JAK2: variants seen among roughly 807,000 people sequenced by gnomAD.
JAK2 encodes the protein Janus kinase 2.
A neutral mutation model predicts 139.3 loss-of-function variants in JAK2; 86 were observed. The ratio of observed to expected loss-of-function variants is 0.62; its 90% confidence interval spans 0.52 to 0.74. The LOEUF is 0.74. JAK2 is among the 30% of genes least tolerant of loss of function. JAK2 has a pLI of 0.00. For missense variants in JAK2, 1,421 were observed against 1,360.3 expected (o/e 1.04, Z -0.70); for synonymous variants, 490 against 437.7 (o/e 1.12, Z -1.49).
At chr9:5,112,521 G>A (rs1328502457) in intron 22 of JAK2, 16 of 582,590 alleles carry the variant, frequency 2.7e-5, no homozygotes, top group Admixed American at 2.7e-4. Context: ...TCCCCCCAGA[G>A]CAGAAGGCCG....
At chr9:5,111,818 T>G in intron 22 of JAK2, 1 of 418,092 alleles carries the variant, frequency 2.4e-6, no homozygotes, top group Non-Finnish European at 4.7e-6. Flanking sequence ...GTAGGCGGCG[T>G]CTCCAGCCAC....
At chr9:5,086,026 GA>G in intron 19 of JAK2, 1 of 788,832 alleles carries the variant, frequency 1.3e-6, no homozygotes, top group Admixed American at 1.7e-5. Flanking sequence ...TATACATTTG[GA>G]CAGGCAGGTG....
chr9:5,086,392 T>A (rs1011971247), intron 19 of JAK2, among the ~76,000 whole-genome samples: 1 of 152,240 alleles, frequency 6.6e-6, no homozygotes, highest in African/African-American at 2.4e-5. Flanking sequence ...GGTGCAGATA[T>A]GGGATTCAGA....
At chr9:5,004,675 T>G (rs1331038857) in intron 2 of JAK2, among the ~76,000 whole-genome samples, 1 of 152,154 alleles carries the variant, frequency 6.6e-6, no homozygotes, top group East Asian at 1.9e-4. Context: ...ATATGGTAGT[T>G]CCATTTTAAT....
chr9:5,010,494 T>C (rs1234740666), intron 2 of JAK2, among the ~76,000 whole-genome samples: 1 of 152,268 alleles, frequency 6.6e-6, no homozygotes, highest in African/African-American at 2.4e-5. Context: ...CTAATTTTTA[T>C]ATTTTTAGTA....
chr9:5,040,961 C>A, intron 4 of JAK2: 1 of 541,616 alleles, frequency 1.8e-6, no homozygotes, highest in Non-Finnish European at 3.5e-6. Context: ...AATCTCTATA[C>A]AAACAAATAT....
At chr9:5,023,876 A>G (rs1822598871) in intron 3 of JAK2, among the ~76,000 whole-genome samples, 1 of 149,946 alleles carries the variant, frequency 6.7e-6, no homozygotes, top group South Asian at 2.1e-4. Flanking sequence ...AGCTTATAGT[A>G]AGATTTTAGC....
rs1824156159 is a variant in JAK2 at position 5,128,640 on chromosome 9, TAAAG to T, written c.*1852_*1855del. On this transcript the variant is annotated 3_prime_UTR_variant, in exon 25 of 25. Transcript: ENST00000381652. ...AAATGCTTCATCTTTTAGTTTTATA[TAAAG>T]AATCCCACATGTACATTCTTGTTTT... 1.3e-5 allele frequency among the ~76,000 whole-genome samples: 2 copies of T among 151,978 alleles called. No individual in the cohort carries two copies. The highest frequency in any genetic ancestry group is 2.9e-5 in the Non-Finnish European group (2 of 67,840).
intron 4 of JAK2, among the ~76,000 whole-genome samples, chr9:5,042,282 CG>C (rs1427986266): frequency 6.6e-6 from 1 of 151,714 alleles, no homozygotes; most frequent in African/African-American, 2.4e-5. Flanking sequence ...GGACTACAGG[CG>C]CCCGCCACCG....
chr9:5,055,797 G>T lies in JAK2; in HGVS notation c.1056+9G>T. The T allele has an allele frequency of 6.2e-7, 1 of 1,605,226 alleles. No homozygotes were observed. Among genetic ancestry groups the T allele is most frequent in the South Asian group, 1.1e-5 (1 of 90,250 alleles). On this transcript the variant is annotated intron_variant, in intron 8 of 24. Coordinates refer to ENST00000381652, the MANE Select transcript of JAK2 (RefSeq NM_004972.4). ...AAGATGGTAAAAATCTGGTAAGTTTGCTTTATGATTGAATAATGGTTTCAT... is the reference window on the plus strand; with the variant it reads ...AAGATGGTAAAAATCTGGTAAGTTTTCTTTATGATTGAATAATGGTTTCAT...
intron 19 of JAK2, among the ~76,000 whole-genome samples, chr9:5,083,125 T>G (rs554639569): frequency 6.6e-6 from 1 of 152,314 alleles, no homozygotes; most frequent in African/African-American, 2.4e-5. Context: ...AGGAGTTCAT[T>G]GTTAAGTGAT....
intron 4 of JAK2, among the ~76,000 whole-genome samples, chr9:5,042,267 A>G (rs1816635065): frequency 6.6e-6 from 1 of 150,926 alleles, no homozygotes; most frequent in Non-Finnish European, 1.5e-5. Flanking sequence ...CCTCCCAAGT[A>G]GCTGGGACTA....
At chr9:5,105,417 A>C (rs1241286053) in intron 22 of JAK2, among the ~76,000 whole-genome samples, 1 of 152,224 alleles carries the variant, frequency 6.6e-6, no homozygotes, top group Non-Finnish European at 1.5e-5. Flanking sequence ...ATACAAGAGG[A>C]CACAAACAAA....
At chr9:5,056,015 T>C (rs1817740377) in intron 8 of JAK2, among the ~76,000 whole-genome samples, 1 of 152,076 alleles carries the variant, frequency 6.6e-6, no homozygotes, top group East Asian at 1.9e-4. Flanking sequence ...CTTTTTTTAC[T>C]CATTTTTATG....
At chr9:5,115,410 A>G (rs2130821815) in intron 22 of JAK2, among the ~76,000 whole-genome samples, 1 of 152,370 alleles carries the variant, frequency 6.6e-6, no homozygotes, top group South Asian at 2.1e-4. Context: ...GTCAGGCAAC[A>G]ACAGATGCTG....
chr9:5,063,412 T>A (rs1463111770), intron 8 of JAK2, among the ~76,000 whole-genome samples: 1 of 152,210 alleles, frequency 6.6e-6, no homozygotes, highest in African/African-American at 2.4e-5. Context: ...TAGTGTGGAC[T>A]GGAAGTTTTC....
intron 22 of JAK2, among the ~76,000 whole-genome samples, chr9:5,104,688 C>G (rs191399803): frequency 6.6e-6 from 1 of 152,318 alleles, no homozygotes; most frequent in Non-Finnish European, 1.5e-5. Flanking sequence ...AATCCAGCAG[C>G]ACATCCAAAA....
At position 5,127,705 on chromosome 9, in the gene JAK2, T is replaced by C; in HGVS notation, c.*914T>C. 4.3e-6 allele frequency: 1 copy of C among 232,442 alleles called. No individual in the cohort carries two copies. Among genetic ancestry groups the C allele is most frequent in the Non-Finnish European group, 8.5e-6 (1 of 117,132 alleles). 14.4% of individuals were successfully genotyped at this position (232,442 alleles called of 1,614,324 possible). A position where few individuals can be genotyped will look rare whatever the true frequency, so the allele number is the denominator to read the frequency against. On this transcript the variant is annotated 3_prime_UTR_variant, in exon 25 of 25. Transcript: ENST00000381652. ...ATTCTTCGATCTCTGGGATTTATGCTCATGAACTAAATTTAAGCTTAAGCC... is the reference window on the plus strand; with the variant it reads ...ATTCTTCGATCTCTGGGATTTATGCCCATGAACTAAATTTAAGCTTAAGCC...
chr9:5,092,461 A>G (rs1212420133), intron 22 of JAK2, among the ~76,000 whole-genome samples: 2 of 152,188 alleles, frequency 1.3e-5, no homozygotes, highest in Non-Finnish European at 2.9e-5. Context: ...TTTCATCACA[A>G]CCTGGTCACT....
Sources: allele counts gnomAD v4.1 joint callset (sites outside exome capture counted in the v4.1 genomes callset), GRCh38; gene constraint gnomAD v4.1.1; transcripts MANE v1.5; gene names NCBI Gene and HGNC (gene_info 2026-07-23, HGNC 2026-07-21).